The following MYPOP variants were observed in gnomAD, a reference collection of about 807,000 sequenced individuals.
The protein encoded by MYPOP is Myb related transcription factor, partner of profilin.
A neutral mutation model predicts 25.7 loss-of-function variants in MYPOP; 21 were observed. The observed-to-expected ratio is 0.82, with a 90% CI of 0.58 to 1.18. MYPOP has a LOEUF of 1.18. MYPOP is among the 50% of genes most tolerant of loss of function. MYPOP has a pLI of 0.00. For synonymous variants in MYPOP, 280 were observed against 247.9 expected, an observed-to-expected ratio of 1.13 and a Z score of -1.22; for missense variants, 566 against 588.3, an observed-to-expected ratio of 0.96 and a Z score of 0.39.
intron 2 of MYPOP, among the ~76,000 whole-genome samples, chr19:45,898,318 GTTCT>G (rs1967236798): frequency 6.6e-6 from 1 of 150,900 alleles, no homozygotes; most frequent in Non-Finnish European, 1.5e-5. Flanking sequence ...CCTGTGTATG[GTTCT>G]TTTTTTTGTT....
Position 45,891,294 on chromosome 19 carries a change from T to A in MYPOP, c.529A>T (p.Ser177Cys), listed in dbSNP as rs1276287410. The A allele has an allele frequency of 2.6e-6, 4 of 1,540,346 alleles. No homozygotes were observed. Residue 177 changes from serine to cysteine, a missense_variant, in exon 3 of 3, where the codon AGC becomes TGC. By Grantham distance (112) the Ser-to-Cys change is moderately radical. Coordinates refer to ENST00000322217, the MANE Select transcript of MYPOP (RefSeq NM_001012643.4). ...DTSAHSKAGS[S>C]SPEPWARPSC... ...GGCCGGGCCCATGGCTCCGGGCTGC[T>A]GGAGCCCGCCTTGCTGTGGGCTGAT...
In MYPOP at chr19:45,890,723, CG is replaced by C; in HGVS notation, c.1099del (p.Arg367GlyfsTer39). On this transcript the variant is annotated frameshift_variant, in exon 3 of 3. Coordinates refer to ENST00000322217, the MANE Select transcript of MYPOP (RefSeq NM_001012643.4). LOFTEE classifies it high-confidence loss of function. ...IAPRSEEGAPRPPPAPLPPHD... is the reference protein window; with the variant it reads ...IAPRSEEGAPXPPPAPLPPHD... Reference sequence around the variant, plus strand: ...CGGAGGGAGCGGGGCTGGGGGGGGCCGGGGTGCCCCCTCCTCGCTCCTTGGG... The same window carrying C: ...CGGAGGGAGCGGGGCTGGGGGGGGCCGGGTGCCCCCTCCTCGCTCCTTGGG... The C allele has an allele frequency of 8.4e-7, 1 of 1,193,548 alleles. No individual in the cohort carries two copies. The highest frequency in any genetic ancestry group is 1.2e-6 in the Non-Finnish European group (1 of 836,826). The allele number at this position is 1,193,548 out of a possible 1,614,324, so 73.9% of individuals were successfully genotyped here.
At chr19:45,894,080 C>T (rs1967166762) in intron 2 of MYPOP, among the ~76,000 whole-genome samples, 2 of 150,066 alleles carry the variant, frequency 1.3e-5, no homozygotes, top group African/African-American at 2.5e-5. Context: ...TGAGCCACCG[C>T]GCCTGATCCT....
intron 2 of MYPOP, among the ~76,000 whole-genome samples, chr19:45,897,925 TC>T (rs1967229253): frequency 2.0e-5 from 3 of 151,438 alleles, no homozygotes; most frequent in African/African-American, 4.9e-5. Context: ...TGTTTTCTTT[TC>T]TTTTTTTTTT....
At chr19:45,900,332 T>C (rs1468019146) in intron 2 of MYPOP, among the ~76,000 whole-genome samples, 2 of 152,202 alleles carry the variant, frequency 1.3e-5, no homozygotes. Context: ...CAAGCTTTCT[T>C]GCCTCCAAGC....
At chr19:45,894,342 T>C (rs1967171235) in intron 2 of MYPOP, among the ~76,000 whole-genome samples, 2 of 152,148 alleles carry the variant, frequency 1.3e-5, no homozygotes, top group African/African-American at 2.4e-5. Flanking sequence ...CTCAATCTCC[T>C]GACCTTGTGA....
Position 45,890,548 on chromosome 19 carries a change from G to A in MYPOP, c.*75C>T. On this transcript the variant is annotated 3_prime_UTR_variant, in exon 3 of 3. Transcript: ENST00000322217. The stretch of plus-strand genomic sequence containing the variant: ...AGGGAGCTAGGGTGCAGCTGGGATG[G>A]GCAGAGAGCATCGCCCCCCTCGACT... 6.4e-7 allele frequency: 1 copy of A among 1,570,776 alleles called. No homozygotes were observed. The highest frequency in any genetic ancestry group is 8.6e-7 in the Non-Finnish European group (1 of 1,156,576).
chr19:45,902,330 G>T (rs1467815832), intron 1 of MYPOP, among the ~76,000 whole-genome samples: 1 of 151,978 alleles, frequency 6.6e-6, no homozygotes, highest in Non-Finnish European at 1.5e-5. Context: ...CCCTTAGAGG[G>T]ATGTCCAGGA....
At chr19:45,902,001 G>A (rs997869747) in intron 1 of MYPOP, among the ~76,000 whole-genome samples, 176 bp from the exon 2 acceptor site, 1 of 151,456 alleles carries the variant, frequency 6.6e-6, no homozygotes, top group Non-Finnish European at 1.5e-5. Flanking sequence ...GCTGACACCG[G>A]CTGAGCGCTT....
intron 2 of MYPOP, among the ~76,000 whole-genome samples, chr19:45,898,399 T>C (rs1257439099): frequency 6.6e-6 from 1 of 151,938 alleles, no homozygotes; most frequent in Non-Finnish European, 1.5e-5. Flanking sequence ...CATGGCTCAC[T>C]GCAACCTCTG....
intron 2 of MYPOP, among the ~76,000 whole-genome samples, chr19:45,899,561 C>A (rs1001809144): frequency 6.6e-6 from 1 of 152,050 alleles, no homozygotes; most frequent in Non-Finnish European, 1.5e-5. Flanking sequence ...AAGTCCAGGC[C>A]GGGCGTGGTG....
intron 2 of MYPOP, among the ~76,000 whole-genome samples, chr19:45,893,023 C>G (rs554158706): frequency 4.6e-5 from 7 of 152,222 alleles, no homozygotes; most frequent in Non-Finnish European, 7.3e-5. Context: ...CCTGTAATCC[C>G]AGCACTTTGG....
intron 2 of MYPOP, among the ~76,000 whole-genome samples, chr19:45,900,247 C>T (rs1471571653): frequency 6.6e-6 from 1 of 152,200 alleles, no homozygotes; most frequent in African/African-American, 2.4e-5. Context: ...GAACTCATCT[C>T]AAAATGTTAC....
chr19:45,900,758 T>A (rs555207207), intron 2 of MYPOP, among the ~76,000 whole-genome samples: 1 of 152,180 alleles, frequency 6.6e-6, no homozygotes, highest in African/African-American at 2.4e-5. Flanking sequence ...AATAGTGAAA[T>A]AGTATGCATC....
chr19:45,895,711 T>G (rs1401381278), intron 2 of MYPOP, among the ~76,000 whole-genome samples: 1 of 152,098 alleles, frequency 6.6e-6, no homozygotes, highest in Admixed American at 6.6e-5. Context: ...GCTGATTGGG[T>G]CCCAGGCCCC....
At position 45,901,180 on chromosome 19, in the gene MYPOP, C is replaced by T. The variant is rs902930540; in HGVS notation, c.499+95G>A. The T allele has an allele frequency of 4.2e-6, 5 of 1,187,712 alleles. No homozygotes were observed. In the African/African-American group the frequency reaches 6.4e-5, roughly 15 times the overall value. 73.6% of individuals were successfully genotyped at this position (1,187,712 alleles called of 1,614,324 possible). A position where few individuals can be genotyped will look rare whatever the true frequency, so the allele number is the denominator to read the frequency against. ...CCTAGCTATAAAATGGGGCGAAGGA[C>T]AGCATCCACCTCACAGGGCTGCAGC... On this transcript the variant is annotated intron_variant, in intron 2 of 2. Transcript: ENST00000322217. The surrounding 1 kb of genome is among the most constrained non-coding windows in gnomAD (Gnocchi z 5.7).
In MYPOP at chr19:45,890,952, G is replaced by T; in HGVS notation, c.871C>A (p.Leu291Ile). The change falls in exon 3 of 3, where the codon CTC becomes ATC. Residue 291 changes from leucine (L) to isoleucine (I), a missense_variant. Leu to Ile is a conservative substitution (Grantham distance 5). Coordinates refer to ENST00000322217, the MANE Select transcript of MYPOP (RefSeq NM_001012643.4). Reference sequence around the variant, plus strand: ...GGCAGAAGGGGCAGCAGAGCGCTGAGGGCCTCGCTCAGTTTGGCCAGTCCC... The same window carrying T: ...GGCAGAAGGGGCAGCAGAGCGCTGATGGCCTCGCTCAGTTTGGCCAGTCCC... ...RQGLAKLSEA[L>I]SALLPLLPGT... 2 of 1,473,532 alleles carry T rather than the reference G, an allele frequency of 1.4e-6. No individual in the cohort carries two copies. The highest frequency in any genetic ancestry group is 1.4e-5 in the African/African-American group (1 of 71,584). The allele number at this position is 1,473,532 out of a possible 1,614,324, so 91.3% of individuals were successfully genotyped here.
In MYPOP at chr19:45,901,106, A is replaced by G. The variant is rs894382040; in HGVS notation, c.499+169T>C. On this transcript the variant is annotated intron_variant, in intron 2 of 2. Coordinates refer to ENST00000322217, the MANE Select transcript of MYPOP (RefSeq NM_001012643.4). This position sits in a 1 kb window ranked among gnomAD's most constrained non-coding sequence, Gnocchi z 5.7. ...CCATTCCTGGCTCTTGACAGTTACT[A>G]GCTATCGGAACTGAGGCAAGTCATT... Among the ~76,000 whole-genome samples, 2 of 152,234 alleles carry G rather than the reference A, an allele frequency of 1.3e-5. No individual in the cohort carries two copies. The highest frequency in any genetic ancestry group is 4.8e-5 in the African/African-American group (2 of 41,458).
Position 45,891,292 on chromosome 19 carries a change from G to T in MYPOP, c.531C>A (p.Ser177Arg). Residue 177 changes from serine to arginine, a missense_variant, in exon 3 of 3, where the codon AGC becomes AGA. Transcript: ENST00000322217. ...AGGGCCGGGCCCATGGCTCCGGGCTGCTGGAGCCCGCCTTGCTGTGGGCTG... is the reference window on the plus strand; with the variant it reads ...AGGGCCGGGCCCATGGCTCCGGGCTTCTGGAGCCCGCCTTGCTGTGGGCTG... ...DTSAHSKAGS[S>R]SPEPWARPSC... The T allele has an allele frequency of 6.5e-7, 1 of 1,539,712 alleles. No homozygotes were observed. The highest frequency in any genetic ancestry group is 8.7e-7 in the Non-Finnish European group (1 of 1,150,010).
Sources: allele counts gnomAD v4.1 joint callset (sites outside exome capture counted in the v4.1 genomes callset), GRCh38; gene constraint gnomAD v4.1.1; non-coding constraint Gnocchi (gnomAD v3.1); transcripts MANE v1.5; gene names NCBI Gene and HGNC (gene_info 2026-07-23, HGNC 2026-07-21).